The following NACC2 variants were observed in gnomAD, a reference collection of about 807,000 sequenced individuals.
The protein encoded by NACC2 is NACC family member 2, also known as nucleus accumbens-associated protein 2.
NACC2 carries 8 observed loss-of-function variants against 25.1 expected under a neutral mutation model. The ratio of observed to expected loss-of-function variants is 0.32; its 90% CI spans 0.19 to 0.57. The LOEUF (loss-of-function observed/expected upper bound fraction) is 0.57, where lower values mean the gene tolerates loss of function less well. Among genes scored for constraint, NACC2 ranks in the 20% least tolerant of loss-of-function variants. The pLI, the probability that NACC2 is intolerant of heterozygous loss-of-function variation, is 0.89. For synonymous variants in NACC2, 435 were observed against 294.7 expected (o/e 1.48, Z -4.88); for missense variants, 644 against 650.2 (o/e 0.99, Z 0.10).
chr9:136,018,678 C>T lies in NACC2; in HGVS notation c.887-2249G>A, dbSNP rs564437943. ...CAAAGGTGGGTGCACAGCCCCTGCC[C>T]GGCCACTACAGGGGTCAGGCAGCAT... On this transcript the variant is annotated intron_variant, in intron 2 of 5. Transcript: ENST00000277554. This position sits in a 1 kb window ranked among gnomAD's most constrained non-coding sequence, Gnocchi z 4.4. Among the ~76,000 whole-genome samples the T allele has an allele frequency of 1.3e-5, 2 of 152,036 alleles. No individual in the cohort carries two copies. Among genetic ancestry groups the T allele is most frequent in the Non-Finnish European group, 2.9e-5 (2 of 67,976 alleles).
chr9:136,079,708 G>A (rs1407028348), intron 1 of NACC2, among the ~76,000 whole-genome samples: 5 of 152,250 alleles, frequency 3.3e-5, no homozygotes, highest in Non-Finnish European at 7.3e-5. Context: ...GCCCTGGAGC[G>A]TGGCTGCAGA....
chr9:136,089,342 CT>C (rs1418167059), intron 1 of NACC2, among the ~76,000 whole-genome samples: 1 of 152,126 alleles, frequency 6.6e-6, no homozygotes, highest in Non-Finnish European at 1.5e-5. Context: ...GACAAGGGGG[CT>C]CCCCCTCCCC....
chr9:136,088,208 C>T (rs73668072), intron 1 of NACC2, among the ~76,000 whole-genome samples: 9,070 of 152,242 alleles, frequency 0.06, 481 homozygotes, highest in African/African-American at 0.15. Context: ...CTGTCCGGCT[C>T]CCTTCCAGTG....
intron 1 of NACC2, among the ~76,000 whole-genome samples, chr9:136,054,765 C>T (rs1840899658): frequency 6.6e-6 from 1 of 152,174 alleles, no homozygotes; most frequent in Non-Finnish European, 1.5e-5. Flanking sequence ...AGATTCAACA[C>T]ACTCATTCAC....
intron 2 of NACC2, among the ~76,000 whole-genome samples, chr9:136,028,586 G>C (rs530767834): frequency 6.6e-6 from 1 of 152,250 alleles, no homozygotes; most frequent in African/African-American, 2.4e-5. Flanking sequence ...GTGAGGCGTG[G>C]CCAGGGCTGC....
At chr9:136,051,573 T>C (rs1181773334) in intron 1 of NACC2, among the ~76,000 whole-genome samples, 1 of 151,754 alleles carries the variant, frequency 6.6e-6, no homozygotes, top group Non-Finnish European at 1.5e-5. Context: ...CAAAGGCCGC[T>C]GTGTCCCACG....
At chr9:136,044,821 C>T (rs1001899040) in intron 2 of NACC2, among the ~76,000 whole-genome samples, 1 of 152,214 alleles carries the variant, frequency 6.6e-6, no homozygotes, top group African/African-American at 2.4e-5. Context: ...GGGTGAGTGG[C>T]TGCAACGGAG....
At chr9:136,023,509 G>A (rs1203773318) in intron 2 of NACC2, among the ~76,000 whole-genome samples, 2 of 152,122 alleles carry the variant, frequency 1.3e-5, no homozygotes, top group Non-Finnish European at 2.9e-5. Context: ...GGCCTGGCAG[G>A]TGCTGTCATT....
At chr9:136,033,142 C>G (rs1435842207) in intron 2 of NACC2, among the ~76,000 whole-genome samples, 1 of 152,020 alleles carries the variant, frequency 6.6e-6, no homozygotes, top group East Asian at 1.9e-4. Context: ...TGCCATTGCA[C>G]TCCAGCCGGG....
intron 2 of NACC2, among the ~76,000 whole-genome samples, chr9:136,034,130 T>C (rs1209567947): frequency 6.6e-6 from 1 of 152,096 alleles, no homozygotes; most frequent in Non-Finnish European, 1.5e-5. Flanking sequence ...CAGAGTTCAA[T>C]TACAAACACA....
At chr9:136,038,119 T>C (rs915870901) in intron 2 of NACC2, among the ~76,000 whole-genome samples, 3 of 152,172 alleles carry the variant, frequency 2.0e-5, no homozygotes, top group Non-Finnish European at 4.4e-5. Flanking sequence ...AGGAAACAGA[T>C]TAGCGGTGGC....
chr9:136,093,347 A>T (rs1038222162), intron 1 of NACC2, among the ~76,000 whole-genome samples: 1 of 152,146 alleles, frequency 6.6e-6, no homozygotes, highest in South Asian at 2.1e-4. Flanking sequence ...AAAAGTCACC[A>T]CTAGCCCCCT....
At chr9:136,075,315 G>C (rs1830250084) in intron 1 of NACC2, among the ~76,000 whole-genome samples, 1 of 152,230 alleles carries the variant, frequency 6.6e-6, no homozygotes, top group African/African-American at 2.4e-5. Context: ...CGCCTGGCTG[G>C]GATACTTGGG....
At chr9:136,027,645 C>G (rs1473022612) in intron 2 of NACC2, among the ~76,000 whole-genome samples, 2 of 152,028 alleles carry the variant, frequency 1.3e-5, no homozygotes, top group Non-Finnish European at 2.9e-5. Flanking sequence ...AAAAAAATCA[C>G]AAATGACTAG....
chr9:136,044,200 C>A (rs1374101571), intron 2 of NACC2, among the ~76,000 whole-genome samples: 2 of 152,110 alleles, frequency 1.3e-5, no homozygotes, highest in East Asian at 3.9e-4. Context: ...CACAGATGCA[C>A]CATATCTACA....
rs72773730 is a variant in NACC2 at position 136,086,900 on chromosome 9, C to T, written c.-60+8289G>A. On this transcript the variant is annotated intron_variant, in intron 1 of 5. Coordinates refer to ENST00000277554, the MANE Select transcript of NACC2 (RefSeq NM_144653.5). This position sits in a 1 kb window ranked among gnomAD's most constrained non-coding sequence, Gnocchi z 5.6. ...CCCTCTACGCACTAAAGGCTTTCTG[C>T]CCCTCCCACACCACACCGGGGGTTC... Among the ~76,000 whole-genome samples the T allele has an allele frequency of 0.044, 6,766 of 152,278 alleles. 183 individuals carry two copies. Among genetic ancestry groups the T allele is most frequent in the Non-Finnish European group, 0.063 (4,258 of 68,004 alleles).
At chr9:136,091,815 G>A (rs114577364) in intron 1 of NACC2, among the ~76,000 whole-genome samples, 2,120 of 150,108 alleles carry the variant, frequency 0.014, 40 homozygotes, top group African/African-American at 0.049. Flanking sequence ...CAGGGCTGGT[G>A]AGAGCAAGGA....
chr9:136,033,611 T>C (rs1840504402), intron 2 of NACC2, among the ~76,000 whole-genome samples: 2 of 130,646 alleles, frequency 1.5e-5, no homozygotes, highest in South Asian at 4.9e-4. Context: ...GATCTGCCAC[T>C]GCACTCCAGC....
Position 136,055,858 on chromosome 9 carries a change from C to T in NACC2, c.-59-5278G>A, listed in dbSNP as rs1230376930. Among the ~76,000 whole-genome samples, 1 of 152,110 alleles carries T rather than the reference C, an allele frequency of 6.6e-6. No individual in the cohort carries two copies. Among genetic ancestry groups the T allele is most frequent in the Non-Finnish European group, 1.5e-5 (1 of 68,040 alleles). On this transcript the variant is annotated intron_variant, in intron 1 of 5. Coordinates refer to ENST00000277554, the MANE Select transcript of NACC2 (RefSeq NM_144653.5). This position sits in a 1 kb window ranked among gnomAD's most constrained non-coding sequence, Gnocchi z 4.9. ...GCAGTTAGTTAAGTGAGGACATCTC[C>T]TAAAAGGTCAATCGAAGGCGCTCCT... is the stretch of plus-strand genomic sequence containing the variant.
Sources: gnomAD v4.1 joint callset for allele counts (sites outside exome capture counted in the v4.1 genomes callset) on GRCh38, gnomAD v4.1.1 for gene constraint, Gnocchi (gnomAD v3.1) non-coding constraint, MANE v1.5 for transcripts, NCBI Gene and HGNC (gene_info 2026-07-23, HGNC 2026-07-21) for gene names.